The following ZNF7 variants were observed in gnomAD, a reference collection of about 807,000 sequenced individuals.
The protein encoded by ZNF7 is C2-H2 type zinc finger protein.
In ZNF7, 10 loss-of-function variants were observed where a neutral mutation model predicts 12.0. The observed-to-expected ratio is 0.83, with a 90% CI of 0.51 to 1.42. ZNF7 has a LOEUF of 1.42. Among genes scored for constraint, ZNF7 ranks in the 40% most tolerant of loss-of-function variants. The pLI, the probability that ZNF7 is intolerant of heterozygous loss-of-function variation, is 0.00. For synonymous variants in ZNF7, 334 were observed against 295.0 expected, an observed-to-expected ratio of 1.13 and a Z score of -1.35; for missense variants, 854 against 837.2, an observed-to-expected ratio of 1.02 and a Z score of -0.25.
rs777245446 is a variant in ZNF7, at chr8:144,841,649, G to A, written c.542G>A (p.Cys181Tyr). Residue 181 changes from cysteine (C) to tyrosine (Y), a missense_variant, in exon 5 of 5, where the codon TGT becomes TAT. Cys to Tyr is a radical substitution (Grantham distance 194, BLOSUM62 -2). Transcript: ENST00000532777. ...GAGCTGGGAAGCAGCGGCCTGGATT[G>A]TCAGCCTCTTGAAAGTCAGGGAGAG... is the stretch of plus-strand genomic sequence containing the variant. The part of the protein sequence containing the change: ...CKELGSSGLD[C>Y]QPLESQGESA... The A allele has an allele frequency of 2.5e-6, 4 of 1,614,210 alleles. No homozygotes were observed. The highest frequency in any genetic ancestry group is 1.6e-4 in the Middle Eastern group (1 of 6,062).
downstream of ZNF7, among the ~76,000 whole-genome samples, chr8:144,844,032 T>C (rs1830336887): frequency 6.6e-6 from 1 of 152,118 alleles, no homozygotes; most frequent in South Asian, 2.1e-4. Context: ...GGTTGGCATT[T>C]ATGGAGCACA....
In ZNF7 at chr8:144,842,122, T is replaced by A; in HGVS notation, c.1015T>A (p.Cys339Ser). ...AGAGAGGCCCTATGGTTGTCGTGAGTGTGGGAAAGCCTTCAGCCAGCAGTC... is the reference window on the plus strand; with the variant it reads ...AGAGAGGCCCTATGGTTGTCGTGAGAGTGGGAAAGCCTTCAGCCAGCAGTC... ...TGERPYGCRECGKAFSQQSQL... is the reference protein window; with the variant it reads ...TGERPYGCRESGKAFSQQSQL... Residue 339 changes from cysteine (C) to serine (S), a missense_variant, in exon 5 of 5, where the codon TGT becomes AGT. Cys to Ser is a moderately radical substitution (Grantham distance 112). Transcript: ENST00000532777. 6.2e-7 allele frequency: 1 copy of A among 1,614,022 alleles called. No individual in the cohort carries two copies. The highest frequency in any genetic ancestry group is 8.5e-7 in the Non-Finnish European group (1 of 1,179,998).
At chr8:144,845,018 G>A (rs1422504408), downstream of ZNF7, among the ~76,000 whole-genome samples, 1 of 152,108 alleles carries the variant, frequency 6.6e-6, no homozygotes, top group Non-Finnish European at 1.5e-5. Flanking sequence ...GGACAGATGG[G>A]AGGAGAAACA....
At chr8:144,837,179 G>C (rs778967601) in intron 3 of ZNF7, 1 of 399,382 alleles carries the variant, frequency 2.5e-6, no homozygotes, top group Non-Finnish European at 4.5e-6. Flanking sequence ...GGTATCCCTT[G>C]CTGTCCAGCC....
chr8:144,829,902 T>C (rs1319934831), intron 3 of ZNF7: 1 of 235,782 alleles, frequency 4.2e-6, no homozygotes, highest in Non-Finnish European at 8.1e-6. Flanking sequence ...AAAAGAGAAA[T>C]TATTGGGTGG....
chr8:144,841,670 G>T lies in ZNF7; in HGVS notation c.563G>T (p.Gly188Val). ...GLDCQPLESQ[G>V]ESAEGMSQRC... ...GATTGTCAGCCTCTTGAAAGTCAGG[G>T]AGAGAGTGCGGAAGGGATGTCCCAG... The change falls in exon 5 of 5, where the codon GGA becomes GTA. Residue 188 changes from glycine to valine, a missense_variant. Gly to Val is a moderately radical substitution (Grantham distance 109). Coordinates refer to ENST00000532777, the MANE Select transcript of ZNF7 (RefSeq NM_003416.4). The T allele has an allele frequency of 6.2e-7, 1 of 1,614,166 alleles. No homozygotes were observed. The highest frequency in any genetic ancestry group is 8.5e-7 in the Non-Finnish European group (1 of 1,179,998).
downstream of ZNF7, among the ~76,000 whole-genome samples, chr8:144,845,365 G>A (rs114666419): frequency 1.3e-5 from 2 of 151,990 alleles, no homozygotes; most frequent in South Asian, 2.1e-4. Context: ...TGGGAGCTGG[G>A]GGGCCATTAC....
Position 144,829,459 on chromosome 8 carries a change from C to G in ZNF7, c.4-19C>G. ...CTGGCACCCAGGGATTCCTGGGGTG[C>G]TGGTGTGTGTCCTTTCAGGAGGTGG... On this transcript the variant is annotated intron_variant, in intron 2 of 4. Coordinates refer to ENST00000532777, the MANE Select transcript of ZNF7 (RefSeq NM_003416.4). The G allele has an allele frequency of 1.2e-6, 2 of 1,613,842 alleles. No individual in the cohort carries two copies. Among genetic ancestry groups the G allele is most frequent in the Non-Finnish European group, 1.7e-6 (2 of 1,179,854 alleles).
chr8:144,827,967 CCTT>C (rs1827979701), intron 1 of ZNF7: 1 of 152,294 alleles, frequency 6.6e-6, no homozygotes, highest in Admixed American at 6.5e-5. Flanking sequence ...GAAATCACCT[CCTT>C]CTAGAGCCTT....
chr8:144,842,084 G>T lies in ZNF7; in HGVS notation c.977G>T (p.Arg326Ile). ...AGCTCAAGCCTCATCCACCATCAGAGAATCCACACAGGAGAGAGGCCCTAT... is the reference window on the plus strand; with the variant it reads ...AGCTCAAGCCTCATCCACCATCAGATAATCCACACAGGAGAGAGGCCCTAT... ...GQSSSLIHHQ[R>I]IHTGERPYGC... The change falls in exon 5 of 5, where the codon AGA (arginine) becomes ATA (isoleucine). Residue 326 changes from arginine (R) to isoleucine (I), a missense_variant. Coordinates refer to ENST00000532777, the MANE Select transcript of ZNF7 (RefSeq NM_003416.4). The T allele has an allele frequency of 1.9e-6, 3 of 1,614,148 alleles. No homozygotes were observed. Among genetic ancestry groups the T allele is most frequent in the Non-Finnish European group, 2.5e-6 (3 of 1,180,032 alleles).
intron 4 of ZNF7, chr8:144,838,376 A>C: frequency 2.0e-6 from 1 of 489,284 alleles, no homozygotes; most frequent in Non-Finnish European, 3.6e-6. Context: ...CTCAGCCCTA[A>C]CCAGGGCACC....
At chr8:144,838,037 G>T (rs1167036764) in intron 4 of ZNF7, 3 of 697,388 alleles carry the variant, frequency 4.3e-6, no homozygotes, top group Non-Finnish European at 7.8e-6. Context: ...GAAACCGGGG[G>T]GTCAGCAAGC....
chr8:144,847,488 ATAAAT>A (rs1586857805), downstream of ZNF7: 2 of 152,230 alleles, frequency 1.3e-5, no homozygotes, highest in East Asian at 1.9e-4. Flanking sequence ...TTTGGAGACA[ATAAAT>A]TAAATCTATA....
chr8:144,832,141 C>T (rs1828516385), intron 3 of ZNF7, among the ~76,000 whole-genome samples: 1 of 102,516 alleles, frequency 9.8e-6, no homozygotes, highest in Admixed American at 1.0e-4. Context: ...TGTCCGGGCA[C>T]AGTGGCTCAC....
downstream of ZNF7, among the ~76,000 whole-genome samples, chr8:144,844,619 A>G (rs565911398): frequency 2.6e-4 from 39 of 150,634 alleles, no homozygotes; most frequent in African/African-American, 6.4e-4. Context: ...CTAGGCAGGA[A>G]AATGGTGTGA....
downstream of ZNF7, among the ~76,000 whole-genome samples, chr8:144,844,145 G>A (rs934978522): frequency 6.6e-6 from 1 of 152,196 alleles, no homozygotes; most frequent in Non-Finnish European, 1.5e-5. Context: ...TGCCCTCCCT[G>A]AAACTCAGAG....
chr8:144,837,292 C>T (rs1829122550), intron 3 of ZNF7, 99 bp from the exon 4 acceptor site: 1 of 1,014,148 alleles, frequency 9.9e-7, no homozygotes, highest in Admixed American at 2.2e-5. Flanking sequence ...GCCTTGTAGC[C>T]CCCCTGCCCC....
intron 3 of ZNF7, 58 bp from the exon 4 acceptor site, chr8:144,837,333 C>T (rs745903068): frequency 4.1e-6 from 6 of 1,454,324 alleles, no homozygotes; most frequent in Non-Finnish European, 4.7e-6. Flanking sequence ...AAGACTTAGC[C>T]CTGTGCTGCA....
intron 3 of ZNF7, among the ~76,000 whole-genome samples, chr8:144,830,204 A>G (rs902047737): frequency 2.0e-5 from 3 of 152,136 alleles, no homozygotes; most frequent in African/African-American, 4.8e-5. Context: ...CACGCCCGAG[A>G]GAGTGCCTGG....
Sources: gnomAD v4.1 joint callset for allele counts (sites outside exome capture counted in the v4.1 genomes callset) on GRCh38, gnomAD v4.1.1 for gene constraint, MANE v1.5 for transcripts, NCBI Gene and HGNC (gene_info 2026-07-23, HGNC 2026-07-21) for gene names.